Variants in FAM78B observed in about 807,000 individuals in gnomAD.
FAM78B encodes protein FAM78B.
FAM78B carries 10 observed loss-of-function variants against 20.0 expected under a neutral mutation model. The ratio of observed to expected loss-of-function variants is 0.50; its 90% CI spans 0.31 to 0.85. FAM78B has a LOEUF of 0.85. FAM78B is among the 40% of genes least tolerant of loss of function. The probability of loss-of-function intolerance (pLI) is 0.05; values close to 1 mark genes in which losing one functional copy is unlikely to be tolerated. For synonymous variants in FAM78B, 135 were observed against 132.8 expected (o/e 1.02, Z -0.12); for missense variants, 283 against 345.0 (o/e 0.82, Z 1.42).
intron 1 of FAM78B, 117 bp downstream of exon 1, chr1:166,165,869 G>T: frequency 8.2e-7 from 1 of 1,219,020 alleles, no homozygotes; most frequent in Non-Finnish European, 1.2e-6. Context: ...GAGGCGGGAG[G>T]AAGGTTTAGA....
intron 1 of FAM78B, among the ~76,000 whole-genome samples, chr1:166,071,903 T>C (rs975367445): frequency 2.0e-5 from 3 of 152,236 alleles, no homozygotes; most frequent in South Asian, 2.1e-4. Context: ...CCAAGACCAG[T>C]CAGTCATGGA....
chr1:166,077,876 ATATATATAATAAATAT>A (rs1182642008), intron 1 of FAM78B, among the ~76,000 whole-genome samples: 2 of 1,726 alleles, frequency 1.2e-3, no homozygotes, highest in Admixed American at 0.017. Context: ...ATATATAATT[ATATATATAATAAATAT>A]ATATAATTTA....
exon 3 of FAM78B, chr1:166,059,733 C>T (rs571361712): frequency 6.6e-6 from 1 of 152,072 alleles, no homozygotes; most frequent in Non-Finnish European, 1.5e-5. Context: ...GACTTTACAG[C>T]CTTGTTAGCT....
At chr1:166,093,316 T>TA (rs1204170705) in intron 1 of FAM78B, among the ~76,000 whole-genome samples, 3 of 152,166 alleles carry the variant, frequency 2.0e-5, no homozygotes, top group Non-Finnish European at 4.4e-5. Context: ...ACAATGGTTG[T>TA]AATCAGCAGG....
intron 1 of FAM78B, among the ~76,000 whole-genome samples, chr1:166,130,284 T>C (rs1245691790): frequency 6.6e-6 from 1 of 152,246 alleles, no homozygotes; most frequent in African/African-American, 2.4e-5. Context: ...AACAAGTCAC[T>C]TGCTGGACCA....
chr1:166,086,280 C>T (rs1185231245), intron 1 of FAM78B, among the ~76,000 whole-genome samples: 1 of 152,162 alleles, frequency 6.6e-6, no homozygotes, highest in African/African-American at 2.4e-5. Flanking sequence ...CCCTCCCCCA[C>T]CATCCCCACA....
At chr1:166,111,845 G>T (rs1489646443) in intron 1 of FAM78B, among the ~76,000 whole-genome samples, 1 of 152,198 alleles carries the variant, frequency 6.6e-6, no homozygotes, top group African/African-American at 2.4e-5. Context: ...CAGCGTCCCT[G>T]GCTTCCCAGA....
intron 1 of FAM78B, among the ~76,000 whole-genome samples, chr1:166,131,526 C>T (rs1654878437): frequency 1.3e-5 from 2 of 152,138 alleles, no homozygotes; most frequent in Admixed American, 1.3e-4. Flanking sequence ...TTTACTGAGA[C>T]CAAGCAACAG....
intron 1 of FAM78B, among the ~76,000 whole-genome samples, chr1:166,112,913 G>A (rs191394725): frequency 1.3e-5 from 2 of 152,290 alleles, no homozygotes; most frequent in East Asian, 1.9e-4. Flanking sequence ...AATTGCCAGA[G>A]TTGAGAAATA....
Position 166,069,755 on chromosome 1 carries a change from C to G in FAM78B, c.*486G>C, listed in dbSNP as rs1651941060. 1 of 154,744 alleles carries G rather than the reference C, an allele frequency of 6.5e-6. No individual in the cohort carries two copies. Among genetic ancestry groups the G allele is most frequent in the Admixed American group, 6.5e-5 (1 of 15,324 alleles). The allele number at this position is 154,744 out of a possible 1,614,324, so 9.6% of individuals were successfully genotyped here. On this transcript the variant is annotated 3_prime_UTR_variant, in exon 2 of 2. Coordinates refer to ENST00000354422, the MANE Select transcript of FAM78B (RefSeq NM_001017961.5). ...ATGTGTCATAAAACCTTATTCTTTCCTCTCCCCATCACCCATTCTTTCACC... is the reference window on the plus strand; with the variant it reads ...ATGTGTCATAAAACCTTATTCTTTCGTCTCCCCATCACCCATTCTTTCACC...
intron 1 of FAM78B, among the ~76,000 whole-genome samples, chr1:166,133,689 CTAAT>C (rs995972572): frequency 1.3e-5 from 2 of 151,866 alleles, no homozygotes; most frequent in African/African-American, 4.8e-5. Context: ...AATCTTATGC[CTAAT>C]TAATTAGAGC....
intron 1 of FAM78B, among the ~76,000 whole-genome samples, chr1:166,119,996 T>C (rs1654408569): frequency 6.6e-6 from 1 of 152,222 alleles, no homozygotes; most frequent in African/African-American, 2.4e-5. Context: ...CTACTGTTCC[T>C]TGTGCCTCTG....
At chr1:166,096,526 C>T (rs1195637542) in intron 1 of FAM78B, among the ~76,000 whole-genome samples, 1 of 152,216 alleles carries the variant, frequency 6.6e-6, no homozygotes, top group East Asian at 1.9e-4. Flanking sequence ...AAACTTGCTC[C>T]ATAATAGATC....
intron 1 of FAM78B, among the ~76,000 whole-genome samples, chr1:166,102,884 C>T (rs929329455): frequency 6.6e-6 from 1 of 152,194 alleles, no homozygotes; most frequent in African/African-American, 2.4e-5. Context: ...GAACTCTCCA[C>T]CCCAAATCAA....
At chr1:166,109,727 C>G (rs774118398) in intron 1 of FAM78B, among the ~76,000 whole-genome samples, 10 of 146,548 alleles carry the variant, frequency 6.8e-5, no homozygotes, top group Non-Finnish European at 1.2e-4. Flanking sequence ...TATAGCAGCA[C>G]AATTCACAAT....
intron 1 of FAM78B, among the ~76,000 whole-genome samples, chr1:166,124,362 CAAT>C (rs1206200471): frequency 6.6e-6 from 1 of 152,154 alleles, no homozygotes; most frequent in Admixed American, 6.6e-5. Flanking sequence ...TAACACTAAA[CAAT>C]GATGATAACA....
chr1:166,158,663 AAAC>A lies in FAM78B; in HGVS notation c.263+7320_263+7322del, dbSNP rs990862436. Among the ~76,000 whole-genome samples the A allele has an allele frequency of 6.6e-5, 10 of 152,296 alleles. No homozygotes were observed. In the East Asian group the frequency reaches 1.4e-3, roughly 21 times the overall value. ...CTCACACCTTCTTCACTAAAACCCA[AAAC>A]AACAACAACAACTCTAGAACCATCC... On this transcript the variant is annotated intron_variant, in intron 1 of 1. Coordinates refer to ENST00000354422, the MANE Select transcript of FAM78B (RefSeq NM_001017961.5).
At chr1:166,079,549 A>G (rs1037329675) in intron 1 of FAM78B, among the ~76,000 whole-genome samples, 1 of 152,090 alleles carries the variant, frequency 6.6e-6, no homozygotes, top group Non-Finnish European at 1.5e-5. Flanking sequence ...CCACATGCAA[A>G]TGTGTGATGG....
rs1656386275 is a variant in FAM78B at position 166,166,384 on chromosome 1, G to C, written c.-136C>G. On this transcript the variant is annotated 5_prime_UTR_variant, in exon 1 of 2. Coordinates refer to ENST00000354422, the MANE Select transcript of FAM78B (RefSeq NM_001017961.5). ...GACTCAGCTCGCACCTAGGAGCGGG[G>C]AGCCGCCGGGCATCCTTGGGGAAGC... 5.1e-6 allele frequency: 4 copies of C among 778,814 alleles called. No homozygotes were observed. Among genetic ancestry groups the C allele is most frequent in the Non-Finnish European group, 6.3e-6 (4 of 632,476 alleles). 48.2% of individuals were successfully genotyped at this position (778,814 alleles called of 1,614,324 possible).
Sources: gnomAD v4.1 joint callset for allele counts (sites outside exome capture counted in the v4.1 genomes callset) on GRCh38, gnomAD v4.1.1 for gene constraint, MANE v1.5 for transcripts, NCBI Gene and HGNC (gene_info 2026-07-23, HGNC 2026-07-21) for gene names.